The following ENPP2 variants were observed in gnomAD, a reference collection of about 807,000 sequenced individuals.
ENPP2 encodes ectonucleotide pyrophosphatase/phosphodiesterase 2, also known as autotaxin.
Under a neutral mutation model 120.2 loss-of-function variants are expected in ENPP2, and 51 were observed. The ratio of observed to expected loss-of-function variants is 0.42; its 90% confidence interval spans 0.34 to 0.54. The LOEUF (loss-of-function observed/expected upper bound fraction) is 0.54, where lower values mean the gene tolerates loss of function less well. Ranked by LOEUF, ENPP2 falls within the 20% of genes least tolerant of loss-of-function variation. The probability of loss-of-function intolerance (pLI) is 0.04; values close to 1 mark genes in which losing one functional copy is unlikely to be tolerated. For missense variants in ENPP2, 920 were observed against 1,066.5 expected, an observed-to-expected ratio of 0.86 and a Z score of 1.91; for synonymous variants, 365 against 366.4, an observed-to-expected ratio of 1.00 and a Z score of 0.04.
At chr8:119,573,591 T>C (rs1179856672) in intron 19 of ENPP2, among the ~76,000 whole-genome samples, 1 of 151,900 alleles carries the variant, frequency 6.6e-6, no homozygotes, top group Non-Finnish European at 1.5e-5. Flanking sequence ...GGTGGGCAGA[T>C]CACTTGAGGT....
At chr8:119,637,053 G>GA (rs959852633) in intron 2 of ENPP2, among the ~76,000 whole-genome samples, 24 of 150,994 alleles carry the variant, frequency 1.6e-4, no homozygotes, top group African/African-American at 3.9e-4. Flanking sequence ...AGAGGAAACA[G>GA]AAAAAAAAAG....
chr8:119,591,026 G>T lies in ENPP2; in HGVS notation c.1082-396C>A, dbSNP rs572336822. Among the ~76,000 whole-genome samples the T allele has an allele frequency of 4.4e-4, 63 of 144,498 alleles. No individual in the cohort carries two copies. In the South Asian group the frequency reaches 0.014, roughly 32 times the overall value. 94.8% of individuals were successfully genotyped at this position (144,498 alleles called of 152,430 possible). ...AAAAAAAAAAAAAAAACCCTAGGTT[G>T]CATCAAACTCTTCCCAGCTGGGGGT... On this transcript the variant is annotated intron_variant, in intron 12 of 24. Coordinates refer to ENST00000075322, the MANE Select transcript of ENPP2 (RefSeq NM_001040092.3).
upstream of ENPP2, among the ~76,000 whole-genome samples, chr8:119,639,518 A>G (rs1050489764): frequency 1.3e-5 from 2 of 152,184 alleles, no homozygotes; most frequent in African/African-American, 4.8e-5. Context: ...GCCACGCAGC[A>G]TAAAGTCCTT....
chr8:119,633,637 T>C (rs1042769694), intron 2 of ENPP2, among the ~76,000 whole-genome samples: 1 of 152,014 alleles, frequency 6.6e-6, no homozygotes, highest in Non-Finnish European at 1.5e-5. Context: ...GTCATACTTT[T>C]TTCGTATTGA....
chr8:119,587,648 C>T (rs1340368217), intron 13 of ENPP2, among the ~76,000 whole-genome samples: 2 of 152,130 alleles, frequency 1.3e-5, no homozygotes, highest in African/African-American at 4.8e-5. Flanking sequence ...CCTTTATTTT[C>T]AATAGCATCA....
intron 2 of ENPP2, among the ~76,000 whole-genome samples, chr8:119,632,082 T>C (rs75038246): frequency 0.024 from 3,620 of 152,300 alleles, 85 homozygotes; most frequent in Middle Eastern, 0.11. Flanking sequence ...GTACCTGACG[T>C]AATGTCAAAT....
chr8:119,639,980 T>C (rs1018308635), upstream of ENPP2, among the ~76,000 whole-genome samples: 2 of 152,194 alleles, frequency 1.3e-5, no homozygotes, highest in South Asian at 2.1e-4. Flanking sequence ...CCGCAGCACA[T>C]GTGTTCGTGC....
intron 2 of ENPP2, among the ~76,000 whole-genome samples, chr8:119,631,204 CTTTTTTTTTTTTTTT>C (rs60092023): frequency 1.6e-5 from 1 of 61,746 alleles, no homozygotes; most frequent in Non-Finnish European, 2.8e-5. Flanking sequence ...ATGCTGCTAT[CTTTTTTTTTTTTTTT>C]TTTTTTTTTT....
At chr8:119,583,895 C>G (rs1812925257) in intron 16 of ENPP2, 67 bp downstream of exon 16, 1 of 1,388,814 alleles carries the variant, frequency 7.2e-7, no homozygotes, top group Non-Finnish European at 1.0e-6. Context: ...TTCACTCACA[C>G]CACCATTACT....
chr8:119,600,873 A>G, intron 10 of ENPP2, 123 bp from the exon 11 acceptor site: 1 of 649,146 alleles, frequency 1.5e-6, no homozygotes, highest in East Asian at 2.8e-5. Context: ...TTTAACTACT[A>G]TTCATGTTAG....
At chr8:119,561,039 T>A (rs1813885479) in intron 24 of ENPP2, among the ~76,000 whole-genome samples, 1 of 152,214 alleles carries the variant, frequency 6.6e-6, no homozygotes, top group Non-Finnish European at 1.5e-5. Flanking sequence ...ATAGCTACTA[T>A]TACTACTACT....
intron 21 of ENPP2, 118 bp downstream of exon 21, chr8:119,569,117 A>T: frequency 1.1e-6 from 1 of 944,720 alleles, no homozygotes; most frequent in Non-Finnish European, 1.6e-6. Context: ...AAATTCATTT[A>T]GATAATCTTC....
chr8:119,653,286 C>T (rs538166500), intron 1 of ENPP2, among the ~76,000 whole-genome samples: 31 of 152,292 alleles, frequency 2.0e-4, no homozygotes, highest in African/African-American at 6.3e-4. Context: ...ACCTAGTATA[C>T]GTCAAGCATT....
intron 8 of ENPP2, among the ~76,000 whole-genome samples, chr8:119,611,594 G>C (rs2130663569): frequency 6.6e-6 from 1 of 152,264 alleles, no homozygotes; most frequent in Admixed American, 6.5e-5. Flanking sequence ...TGCCCCCGAA[G>C]GAAACAAAGA....
At chr8:119,610,490 A>AAGAGAGAG (rs60632673) in intron 8 of ENPP2, among the ~76,000 whole-genome samples, 26 of 148,150 alleles carry the variant, frequency 1.8e-4, no homozygotes, top group African/African-American at 5.5e-4. Context: ...AAGGTTATAA[A>AAGAGAGAG]AGAGAGAGAG....
intron 11 of ENPP2, among the ~76,000 whole-genome samples, chr8:119,597,720 C>T (rs1476906958): frequency 6.6e-6 from 1 of 152,046 alleles, no homozygotes; most frequent in Non-Finnish European, 1.5e-5. Flanking sequence ...AAGATTGCGC[C>T]AATAATCAAA....
intron 8 of ENPP2, among the ~76,000 whole-genome samples, chr8:119,613,865 A>G (rs74667284): frequency 0.068 from 10,325 of 152,126 alleles, 475 homozygotes; most frequent in South Asian, 0.16. Context: ...AACATTTATC[A>G]TTTCTTTTTG....
chr8:119,562,223 A>T lies in ENPP2; in HGVS notation c.2421+634T>A, dbSNP rs1814020977. 2.0e-5 allele frequency among the ~76,000 whole-genome samples: 3 copies of T among 152,038 alleles called. No individual in the cohort carries two copies. In the South Asian group the frequency reaches 6.2e-4, roughly 32 times the overall value. On this transcript the variant is annotated intron_variant, in intron 24 of 24. Coordinates refer to ENST00000075322, the MANE Select transcript of ENPP2 (RefSeq NM_001040092.3). ...TTTGGGAAGCCAAGGCAGGTGGATC[A>T]CTTGAGGTCAGGAGTTCAAGACCAG...
At chr8:119,653,157 T>G (rs1817673300) in intron 1 of ENPP2, among the ~76,000 whole-genome samples, 1 of 152,142 alleles carries the variant, frequency 6.6e-6, no homozygotes, top group East Asian at 1.9e-4. Flanking sequence ...AAGAGGTCAC[T>G]ACAAAACTGG....
Sources: allele counts gnomAD v4.1 joint callset (sites outside exome capture counted in the v4.1 genomes callset), GRCh38; gene constraint gnomAD v4.1.1; transcripts MANE v1.5; gene names NCBI Gene and HGNC (gene_info 2026-07-23, HGNC 2026-07-21).